IARS1: variants seen among roughly 807,000 people sequenced by gnomAD.
IARS1 encodes isoleucyl-tRNA synthetase 1.
In IARS1, 124 loss-of-function variants were observed where a neutral mutation model predicts 168.2. The ratio of observed to expected loss-of-function variants is 0.74; its 90% CI spans 0.64 to 0.86. The LOEUF (loss-of-function observed/expected upper bound fraction) is 0.86, where lower values mean the gene tolerates loss of function less well. Among genes scored for constraint, IARS1 ranks in the 40% least tolerant of loss-of-function variants. IARS1 has a pLI of 0.00. For missense variants in IARS1, 1,452 were observed against 1,515.8 expected (o/e 0.96, Z 0.70); for synonymous variants, 532 against 529.4 (o/e 1.00, Z -0.07).
At chr9:92,240,582 C>T in intron 30 of IARS1, 2 of 645,110 alleles carry the variant, frequency 3.1e-6, no homozygotes, top group African/African-American at 1.9e-5. Flanking sequence ...TTAATTGAGG[C>T]AGGATCTTAT....
intron 30 of IARS1, among the ~76,000 whole-genome samples, chr9:92,239,873 G>A (rs1828111468): frequency 6.6e-6 from 1 of 152,174 alleles, no homozygotes; most frequent in South Asian, 2.1e-4. Context: ...TTTCTATGGT[G>A]TCTGGCTAGA....
intron 29 of IARS1, among the ~76,000 whole-genome samples, chr9:92,241,435 T>C (rs895477912): frequency 1.3e-5 from 2 of 152,074 alleles, no homozygotes; most frequent in African/African-American, 4.8e-5. Flanking sequence ...AACCTCCACC[T>C]CCTGTGTTCA....
At chr9:92,234,979 G>T (rs1420901337) in intron 30 of IARS1, among the ~76,000 whole-genome samples, 1 of 152,008 alleles carries the variant, frequency 6.6e-6, no homozygotes, top group Non-Finnish European at 1.5e-5. Flanking sequence ...GAGTAGCTGG[G>T]AGTACAGGTG....
intron 29 of IARS1, 28 bp downstream of exon 29, chr9:92,242,126 T>C (rs772175558): frequency 1.3e-6 from 2 of 1,573,236 alleles, no homozygotes; most frequent in South Asian, 1.1e-5. Flanking sequence ...AACCCTTTAG[T>C]AGTAGTTCAG....
intron 9 of IARS1, 45 bp from the exon 10 acceptor site, chr9:92,274,566 G>T: frequency 7.5e-7 from 1 of 1,326,246 alleles, no homozygotes; most frequent in Non-Finnish European, 1.1e-6. Context: ...ACATTACTGT[G>T]TTACAACGTT....
At chr9:92,273,024 C>T (rs1833302975) in intron 10 of IARS1, among the ~76,000 whole-genome samples, 1 of 148,768 alleles carries the variant, frequency 6.7e-6, no homozygotes, top group South Asian at 2.1e-4. Context: ...AAGAAAACCT[C>T]AGGAGGCTGA....
intron 33 of IARS1, among the ~76,000 whole-genome samples, chr9:92,218,347 C>A (rs1839098783): frequency 7.1e-6 from 1 of 139,936 alleles, no homozygotes; most frequent in South Asian, 2.5e-4. Context: ...TGGAAGCATT[C>A]CCTTGGAAAA....
chr9:92,217,535 A>G lies in IARS1; in HGVS notation c.3706+4985T>C, dbSNP rs187175241. Among the ~76,000 whole-genome samples, 157 of 147,878 alleles carry G rather than the reference A, an allele frequency of 1.1e-3. 7 individuals carry two copies. Among genetic ancestry groups the G allele is most frequent in the Middle Eastern group, 3.5e-3 (1 of 288 alleles). On this transcript the variant is annotated intron_variant, in intron 33 of 33. Transcript: ENST00000443024. Reference sequence around the variant, plus strand: ...AATTGACAGACCACTAGCAAGACTAATAAAGAAAAAAAGAGAGCAGAATCA... The same window carrying G: ...AATTGACAGACCACTAGCAAGACTAGTAAAGAAAAAAAGAGAGCAGAATCA...
At chr9:92,268,387 C>A in intron 13 of IARS1, 87 bp from the exon 14 acceptor site, 3 of 1,363,968 alleles carry the variant, frequency 2.2e-6, no homozygotes, top group East Asian at 2.4e-5. Context: ...CTTTGTATAA[C>A]GCTTTGTGGA....
intron 1 of IARS1, among the ~76,000 whole-genome samples, chr9:92,291,579 T>A (rs1331524781): frequency 6.6e-6 from 1 of 152,230 alleles, no homozygotes; most frequent in East Asian, 1.9e-4. Flanking sequence ...TAAAAGGTAT[T>A]AAACAGAAGG....
intron 30 of IARS1, among the ~76,000 whole-genome samples, chr9:92,229,386 C>CACACACACAT (rs1257412481): frequency 1.3e-4 from 19 of 150,246 alleles, no homozygotes; most frequent in Non-Finnish European, 2.4e-4. Context: ...CACACACACA[C>CACACACACAT]ACATCTCCAT....
intron 7 of IARS1, among the ~76,000 whole-genome samples, chr9:92,279,354 G>A (rs10820964): frequency 0.48 from 72,220 of 151,932 alleles, 20,688 homozygotes; most frequent in African/African-American, 0.81. Context: ...TCTCAGTCAG[G>A]TGGCTGCTGA....
In IARS1 at chr9:92,265,077, G is replaced by C; in HGVS notation, c.1552C>G (p.His518Asp). The C allele has an allele frequency of 6.2e-7, 1 of 1,614,140 alleles. No homozygotes were observed. The stretch of plus-strand genomic sequence containing the variant: ...CAGTCAAACACTTCAGAGATGCGGT[G>C]CAAGGATCCCTTCCCACAGCGTGAA... ...IPSRCGKGSL[H>D]RISEVFDCWF... Residue 518 changes from histidine (H) to aspartate (D), a missense_variant, in exon 16 of 34, where the codon CAC becomes GAC. By Grantham distance (81) the His-to-Asp change is moderately conservative (BLOSUM62 -1). Coordinates refer to ENST00000443024, the MANE Select transcript of IARS1 (RefSeq NM_002161.6).
intron 5 of IARS1, chr9:92,286,261 G>C: frequency 3.2e-6 from 1 of 314,634 alleles, no homozygotes; most frequent in Non-Finnish European, 5.9e-6. Flanking sequence ...CAGCTACTTG[G>C]GAGGCTGAAG....
chr9:92,228,386 C>T (rs1183673832), intron 31 of IARS1, among the ~76,000 whole-genome samples: 1 of 151,874 alleles, frequency 6.6e-6, no homozygotes, highest in African/African-American at 2.4e-5. Flanking sequence ...AGAATCCAGA[C>T]TTAGTGAGAT....
chr9:92,273,935 T>C (rs1833446313), intron 10 of IARS1, among the ~76,000 whole-genome samples: 1 of 152,256 alleles, frequency 6.6e-6, no homozygotes, highest in Non-Finnish European at 1.5e-5. Context: ...AGTGCCATGA[T>C]TTAAGGTGAG....
At chr9:92,221,465 C>A (rs1182386638) in intron 33 of IARS1, among the ~76,000 whole-genome samples, 1 of 152,128 alleles carries the variant, frequency 6.6e-6, no homozygotes, top group Non-Finnish European at 1.5e-5. Flanking sequence ...TAGAAAAAAA[C>A]AGATCCCACA....
Position 92,289,432 on chromosome 9 carries a change from A to C in IARS1, c.-7-6T>G. On this transcript the variant is annotated splice_region_variant and splice_polypyrimidine_tract_variant and intron_variant, in intron 1 of 33. Transcript: ENST00000443024. ...CTTGTTGAAGCATTTTGTTGCTGCA[A>C]AAGAAATCAAATTTATTACTGTCAA... The C allele has an allele frequency of 1.7e-6, 2 of 1,164,252 alleles. No homozygotes were observed. The highest frequency in any genetic ancestry group is 3.5e-5 in the Admixed American group (2 of 57,096). 72.1% of individuals were successfully genotyped at this position (1,164,252 alleles called of 1,614,324 possible).
chr9:92,268,324 C>G (rs1832573987), intron 13 of IARS1, 24 bp from the exon 14 acceptor site: 2 of 1,600,336 alleles, frequency 1.2e-6, no homozygotes, highest in Non-Finnish European at 1.7e-6. Context: ...ATCACATAAC[C>G]AATCACATAA....
Sources: allele counts gnomAD v4.1 joint callset (sites outside exome capture counted in the v4.1 genomes callset), GRCh38; gene constraint gnomAD v4.1.1; transcripts MANE v1.5; gene names NCBI Gene and HGNC (gene_info 2026-07-23, HGNC 2026-07-21).